AGBL1: variants seen among roughly 807,000 people sequenced by gnomAD.
AGBL1 encodes AGBL carboxypeptidase 1.
AGBL1 carries 130 observed loss-of-function variants against 118.9 expected under a neutral mutation model. The observed-to-expected ratio is 1.09, with a 90% CI of 0.95 to 1.26. The LOEUF is 1.26. Among genes scored for constraint, AGBL1 ranks in the 50% most tolerant of loss-of-function variants. The pLI, the probability that AGBL1 is intolerant of heterozygous loss-of-function variation, is 0.00. For missense variants in AGBL1, 1,584 were observed against 1,298.1 expected, an observed-to-expected ratio of 1.22 and a Z score of -3.38; for synonymous variants, 555 against 478.9, an observed-to-expected ratio of 1.16 and a Z score of -2.08.
At chr15:86,451,948 C>G (rs2082198630) in intron 18 of AGBL1, among the ~76,000 whole-genome samples, 1 of 152,200 alleles carries the variant, frequency 6.6e-6, no homozygotes, top group Admixed American at 6.5e-5. Flanking sequence ...AAAATCTTGT[C>G]TTTTACCAAC....
chr15:86,785,152 G>C (rs1006318820), intron 22 of AGBL1, among the ~76,000 whole-genome samples: 4 of 151,982 alleles, frequency 2.6e-5, no homozygotes, highest in African/African-American at 9.7e-5. Context: ...GGAGGAATAG[G>C]AGAAAGGAGA....
chr15:86,528,021 T>G (rs2142211971), intron 19 of AGBL1, among the ~76,000 whole-genome samples: 1 of 152,298 alleles, frequency 6.6e-6, no homozygotes, highest in East Asian at 1.9e-4. Context: ...TTCACTTGCA[T>G]CATATATGTA....
chr15:86,677,809 A>T (rs896636503), intron 22 of AGBL1, among the ~76,000 whole-genome samples: 2 of 152,202 alleles, frequency 1.3e-5, no homozygotes, highest in African/African-American at 4.8e-5. Context: ...TATTAGAAAA[A>T]AAAGTTTAAT....
At chr15:86,603,817 T>A (rs565784552) in intron 21 of AGBL1, among the ~76,000 whole-genome samples, 1 of 152,336 alleles carries the variant, frequency 6.6e-6, no homozygotes, top group South Asian at 2.1e-4. Context: ...TTTGCAGCAG[T>A]CTGTTTGCCA....
chr15:86,553,590 T>C (rs1272152206), intron 20 of AGBL1, among the ~76,000 whole-genome samples: 1 of 152,180 alleles, frequency 6.6e-6, no homozygotes, highest in Non-Finnish European at 1.5e-5. Flanking sequence ...TCTAGAATCA[T>C]CACTGGCCCC....
At chr15:86,719,858 G>A (rs1567138868) in intron 22 of AGBL1, among the ~76,000 whole-genome samples, 2 of 152,152 alleles carry the variant, frequency 1.3e-5, no homozygotes, top group Non-Finnish European at 2.9e-5. Context: ...GGAGGATGAG[G>A]ATAATGTGTG....
At chr15:86,972,882 T>A (rs1005752007) in intron 23 of AGBL1, among the ~76,000 whole-genome samples, 16 of 152,044 alleles carry the variant, frequency 1.1e-4, no homozygotes, top group Admixed American at 2.0e-4. Context: ...CAATGGTAGA[T>A]CCAGAGTCTC....
chr15:86,193,959 T>G (rs1393764525), intron 5 of AGBL1, among the ~76,000 whole-genome samples: 1 of 152,188 alleles, frequency 6.6e-6, no homozygotes, highest in Non-Finnish European at 1.5e-5. Flanking sequence ...AGTTTCTGAG[T>G]CCTGTCTCTG....
chr15:86,566,273 T>C (rs4887487), intron 21 of AGBL1, among the ~76,000 whole-genome samples: 89,111 of 152,004 alleles, frequency 0.59, 26,953 homozygotes, highest in East Asian at 0.91. Context: ...CTTGGAACCC[T>C]AATTTTTCTT....
intron 22 of AGBL1, among the ~76,000 whole-genome samples, chr15:86,757,999 G>A (rs2077966451): frequency 1.3e-5 from 2 of 152,092 alleles, no homozygotes; most frequent in African/African-American, 4.8e-5. Flanking sequence ...TTTAAAGCAT[G>A]GAGGGGATCT....
intron 22 of AGBL1, among the ~76,000 whole-genome samples, chr15:86,889,670 G>C (rs781776638): frequency 1.3e-4 from 20 of 152,100 alleles, no homozygotes; most frequent in Non-Finnish European, 2.2e-4. Flanking sequence ...TCCTGTATTA[G>C]TTTGCTGAGG....
chr15:86,719,474 G>A lies in AGBL1; in HGVS notation c.3158+45038G>A, dbSNP rs552159605. On this transcript the variant is annotated intron_variant, in intron 22 of 22. Transcript: ENST00000614907. ...TAGTGAAGGTTGAAATCTTCATCAGGAGTAAAGCCCTCTTTGCATTCCTTT... is the reference window on the plus strand; with the variant it reads ...TAGTGAAGGTTGAAATCTTCATCAGAAGTAAAGCCCTCTTTGCATTCCTTT... Among the ~76,000 whole-genome samples, 115 of 152,270 alleles carry A rather than the reference G, an allele frequency of 7.6e-4. 2 individuals carry two copies. Among genetic ancestry groups the A allele is most frequent in the African/African-American group, 2.6e-3 (108 of 41,542 alleles).
chr15:86,824,034 C>T (rs1398282508), intron 22 of AGBL1, among the ~76,000 whole-genome samples: 1 of 152,004 alleles, frequency 6.6e-6, no homozygotes, highest in Non-Finnish European at 1.5e-5. Context: ...AGGATGTCCA[C>T]TCTCACCATT....
intron 18 of AGBL1, among the ~76,000 whole-genome samples, chr15:86,463,194 G>C (rs1274160501): frequency 6.6e-6 from 1 of 152,058 alleles, no homozygotes; most frequent in African/African-American, 2.4e-5. Context: ...GGCCAGTGAT[G>C]ATGAGCATTT....
At chr15:86,223,836 T>A (rs2078317110) in intron 5 of AGBL1, among the ~76,000 whole-genome samples, 1 of 152,216 alleles carries the variant, frequency 6.6e-6, no homozygotes, top group Non-Finnish European at 1.5e-5. Context: ...TTTATCTTCC[T>A]TTTTACTGCT....
At chr15:86,592,050 C>G (rs1301028199) in intron 21 of AGBL1, among the ~76,000 whole-genome samples, 5 of 152,100 alleles carry the variant, frequency 3.3e-5, no homozygotes, top group Non-Finnish European at 4.4e-5. Context: ...ATAGACCCAC[C>G]TCAATGCATC....
At chr15:86,217,110 CT>C (rs914193332) in intron 5 of AGBL1, among the ~76,000 whole-genome samples, 1 of 152,086 alleles carries the variant, frequency 6.6e-6, no homozygotes, top group African/African-American at 2.4e-5. Flanking sequence ...GTTGTTTTTT[CT>C]TTTTTTCCCC....
At chr15:86,133,280 G>A (rs1219928906) in intron 1 of AGBL1, among the ~76,000 whole-genome samples, 1 of 152,050 alleles carries the variant, frequency 6.6e-6, no homozygotes, top group Non-Finnish European at 1.5e-5. Context: ...TTGCATACTA[G>A]CCTCTTTTGC....
chr15:86,603,587 C>A (rs955363111), intron 21 of AGBL1, among the ~76,000 whole-genome samples: 5 of 152,108 alleles, frequency 3.3e-5, no homozygotes, highest in Admixed American at 6.5e-5. Flanking sequence ...GGCACACTAC[C>A]TACCAGAAAA....
Sources: allele counts gnomAD v4.1 joint callset (sites outside exome capture counted in the v4.1 genomes callset), GRCh38; gene constraint gnomAD v4.1.1; transcripts MANE v1.5; gene names NCBI Gene and HGNC (gene_info 2026-07-23, HGNC 2026-07-21).